The following CHRNA7 variants were observed in gnomAD, a reference collection of about 807,000 sequenced individuals.
CHRNA7 encodes cholinergic receptor nicotinic alpha 7 subunit.
In CHRNA7, 17 loss-of-function variants were observed where a neutral mutation model predicts 48.0. The observed-to-expected ratio is 0.35, with a 90% CI of 0.24 to 0.53. The LOEUF (loss-of-function observed/expected upper bound fraction) is 0.53. Ranked by LOEUF, CHRNA7 falls within the 20% of genes least tolerant of loss-of-function variation. CHRNA7 has a pLI of 0.92. For missense variants in CHRNA7, 155 were observed against 577.7 expected, an observed-to-expected ratio of 0.27 and a Z score of 7.50; for synonymous variants, 75 against 242.3, an observed-to-expected ratio of 0.31 and a Z score of 6.41.
rs368227442 is a variant in CHRNA7, at chr15:32,038,713, T to A, written c.195+7676T>A. On this transcript the variant is annotated intron_variant, in intron 2 of 9. Transcript: ENST00000306901. ...TTGAATCTGTGTTCATCAGTGATAC[T>A]GGTTTGTGGTTATCTTTTCTTAGAA... 3.7e-4 allele frequency among the ~76,000 whole-genome samples: 56 copies of A among 152,312 alleles called. 1 individual carries two copies. In the South Asian group the frequency reaches 0.011, roughly 30 times the overall value.
At chr15:32,096,019 C>G (rs1014599168) in intron 2 of CHRNA7, among the ~76,000 whole-genome samples, 2 of 152,330 alleles carry the variant, frequency 1.3e-5, no homozygotes, top group African/African-American at 4.8e-5. Flanking sequence ...CATTCCTCTT[C>G]TCCTTTGATT....
chr15:32,164,913 TAAAAAAAAAAAAAAAAAA>T (rs1164824394), intron 9 of CHRNA7, among the ~76,000 whole-genome samples: 1 of 15,966 alleles, frequency 6.3e-5, no homozygotes. Context: ...CTCCATCTCC[TAAAAAAAAAAAAAAAAAA>T]AAAAAAAAAA....
At chr15:32,050,630 C>T (rs78032285) in intron 2 of CHRNA7, among the ~76,000 whole-genome samples, 1 of 152,168 alleles carries the variant, frequency 6.6e-6, no homozygotes, top group Admixed American at 6.5e-5. Flanking sequence ...TCGTCTGAAG[C>T]CTTCTTCTCT....
At chr15:32,032,111 T>C (rs994541827) in intron 2 of CHRNA7, among the ~76,000 whole-genome samples, 3 of 152,232 alleles carry the variant, frequency 2.0e-5, no homozygotes, top group Non-Finnish European at 4.4e-5. Flanking sequence ...TCACTTAACC[T>C]AGTTAAAATT....
chr15:32,135,761 A>G (rs1213861829), intron 4 of CHRNA7, among the ~76,000 whole-genome samples: 1 of 152,220 alleles, frequency 6.6e-6, no homozygotes, highest in Non-Finnish European at 1.5e-5. Context: ...AAATGAGCCC[A>G]AGACATATTG....
At chr15:32,147,603 T>A (rs1015253498) in intron 4 of CHRNA7, among the ~76,000 whole-genome samples, 57 of 152,230 alleles carry the variant, frequency 3.7e-4, no homozygotes, top group Non-Finnish European at 5.1e-4. Context: ...TTTCTTTTTT[T>A]AAAAAAAGGA....
At chr15:32,068,612 A>T (rs1313181070) in intron 2 of CHRNA7, among the ~76,000 whole-genome samples, 1 of 151,848 alleles carries the variant, frequency 6.6e-6, no homozygotes, top group Non-Finnish European at 1.5e-5. Flanking sequence ...AATCCCAGCT[A>T]TTCGGGAGGC....
chr15:32,119,937 C>G (rs546048151), intron 4 of CHRNA7, among the ~76,000 whole-genome samples: 1 of 152,296 alleles, frequency 6.6e-6, no homozygotes, highest in East Asian at 1.9e-4. Flanking sequence ...TTAATGCTGT[C>G]TGCCTCATCC....
chr15:32,114,648 G>A (rs1002399003), intron 4 of CHRNA7, among the ~76,000 whole-genome samples: 92 of 152,180 alleles, frequency 6.0e-4, no homozygotes, highest in African/African-American at 2.1e-3. Context: ...TATATGGCCC[G>A]CAGGTCCACA....
chr15:32,075,672 A>C (rs954201145), intron 2 of CHRNA7, among the ~76,000 whole-genome samples: 1 of 151,560 alleles, frequency 6.6e-6, no homozygotes, highest in Admixed American at 6.6e-5. Flanking sequence ...GATTTTCTCT[A>C]TTGCTTGCTT....
chr15:32,078,662 CAAA>C (rs71113442), intron 2 of CHRNA7, among the ~76,000 whole-genome samples: 3 of 99,440 alleles, frequency 3.0e-5, no homozygotes, highest in Non-Finnish European at 4.2e-5. Context: ...GCCTACCAAC[CAAA>C]AAAAAAAAAA....
intron 2 of CHRNA7, among the ~76,000 whole-genome samples, chr15:32,070,651 A>T (rs2050040140): frequency 7.5e-6 from 1 of 133,398 alleles, no homozygotes; most frequent in South Asian, 2.5e-4. Context: ...GTGTGTGTGA[A>T]CATGTGAGGT....
chr15:32,135,337 G>A (rs2051235690), intron 4 of CHRNA7, among the ~76,000 whole-genome samples: 1 of 152,208 alleles, frequency 6.6e-6, no homozygotes, highest in African/African-American at 2.4e-5. Flanking sequence ...CATATCACAT[G>A]AGGAAACAAA....
Position 32,119,632 on chromosome 15 carries a change from T to TA in CHRNA7, c.350+7733_350+7734insA, listed in dbSNP as rs1326055078. On this transcript the variant is annotated intron_variant, in intron 4 of 9. Coordinates refer to ENST00000306901, the MANE Select transcript of CHRNA7 (RefSeq NM_000746.6). Reference sequence around the variant, plus strand: ...TCAGTTCCTTTTTGCTTTGAACATTTTAAAAAAAAATATTTATTCATATTC... The same window carrying TA: ...TCAGTTCCTTTTTGCTTTGAACATTTATAAAAAAAAATATTTATTCATATTC... Among the ~76,000 whole-genome samples, 12 of 149,516 alleles carry TA rather than the reference T, an allele frequency of 8.0e-5. No homozygotes were observed. The East Asian group carries it at 9.7e-4, about 12-fold the overall frequency.
chr15:32,101,493 A>G (rs2050572467), intron 3 of CHRNA7, 146 bp downstream of exon 3: 4 of 758,958 alleles, frequency 5.3e-6, no homozygotes, highest in Non-Finnish European at 6.6e-6. Context: ...TGTCACACCA[A>G]CTCCACACCT....
chr15:32,103,624 G>C (rs1472605441), intron 3 of CHRNA7, among the ~76,000 whole-genome samples: 1 of 152,020 alleles, frequency 6.6e-6, no homozygotes, highest in East Asian at 1.9e-4. Context: ...TTTTGCCCAG[G>C]ACACATGATC....
intron 2 of CHRNA7, among the ~76,000 whole-genome samples, chr15:32,047,863 G>A (rs1018522070): frequency 6.6e-6 from 1 of 152,128 alleles, no homozygotes; most frequent in African/African-American, 2.4e-5. Context: ...CTAATTTATT[G>A]AGAGTTTTTA....
At chr15:32,118,615 T>C (rs1228091718) in intron 4 of CHRNA7, among the ~76,000 whole-genome samples, 3 of 152,340 alleles carry the variant, frequency 2.0e-5, no homozygotes, top group Admixed American at 6.5e-5. Flanking sequence ...GGTCTCATCA[T>C]GGTCGCTCTT....
At chr15:32,114,962 C>G (rs920411029) in intron 4 of CHRNA7, among the ~76,000 whole-genome samples, 2 of 152,250 alleles carry the variant, frequency 1.3e-5, no homozygotes, top group African/African-American at 4.8e-5. Context: ...AGCCATTCAG[C>G]TGGGGACTGT....
Sources: gnomAD v4.1 joint callset for allele counts (sites outside exome capture counted in the v4.1 genomes callset) on GRCh38, gnomAD v4.1.1 for gene constraint, MANE v1.5 for transcripts, NCBI Gene and HGNC (gene_info 2026-07-23, HGNC 2026-07-21) for gene names.